Variants in RIMS1 observed in about 807,000 individuals in gnomAD.
RIMS1 encodes the protein regulating synaptic membrane exocytosis 1.
Under a neutral mutation model 214.1 loss-of-function variants are expected in RIMS1, and 83 were observed. The observed-to-expected ratio is 0.39, with a 90% confidence interval of 0.32 to 0.47. RIMS1 has a LOEUF of 0.47. Among genes scored for constraint, RIMS1 ranks in the 20% least tolerant of loss-of-function variants. The pLI is 0.99. For missense variants in RIMS1, 2,050 were observed against 2,161.8 expected, an observed-to-expected ratio of 0.95 and a Z score of 1.03; for synonymous variants, 793 against 786.8, an observed-to-expected ratio of 1.01 and a Z score of -0.13.
At chr6:72,360,507 C>G (rs1046658208) in intron 29 of RIMS1, among the ~76,000 whole-genome samples, 2 of 152,054 alleles carry the variant, frequency 1.3e-5, no homozygotes, top group East Asian at 3.9e-4. Context: ...CCATTCCTCC[C>G]AGGAAACTGA....
At position 72,245,857 on chromosome 6, in the gene RIMS1, G is replaced by T. The variant is rs776806880; in HGVS notation, c.2124G>T (p.Glu708Asp). The change falls in exon 11 of 34, where the codon GAG becomes GAT. Residue 708 changes from glutamate (E) to aspartate (D), a missense_variant. This residue lies in a region of RIMS1 where 111 missense variants were observed against 166.2 expected (regional missense o/e 0.67). Coordinates refer to ENST00000521978, the MANE Select transcript of RIMS1 (RefSeq NM_014989.7). Reference protein sequence around the residue: ...RIPESSHPPLESSSSSFESQK... With the variant: ...RIPESSHPPLDSSSSSFESQK... Reference sequence around the variant, plus strand: ...CTGAGAGCTCCCACCCTCCACTGGAGTCCAGTGAGTATAAGGTTTCTTTGT... The same window carrying T: ...CTGAGAGCTCCCACCCTCCACTGGATTCCAGTGAGTATAAGGTTTCTTTGT... 6.3e-7 allele frequency: 1 copy of T among 1,591,754 alleles called. No individual in the cohort carries two copies. The highest frequency in any genetic ancestry group is 8.6e-7 in the Non-Finnish European group (1 of 1,159,880).
intron 4 of RIMS1, among the ~76,000 whole-genome samples, chr6:72,166,972 T>C (rs910232479): frequency 1.2e-4 from 18 of 152,164 alleles, no homozygotes; most frequent in African/African-American, 4.3e-4. Context: ...CGTATAGAGG[T>C]TTAAAAAGTA....
chr6:72,236,702 C>T (rs920918383), intron 8 of RIMS1, among the ~76,000 whole-genome samples: 3 of 150,618 alleles, frequency 2.0e-5, no homozygotes, highest in Admixed American at 6.6e-5. Flanking sequence ...AATCTTTTAG[C>T]TTCCCTGAGC....
chr6:71,914,605 G>A (rs1230129567), intron 1 of RIMS1, among the ~76,000 whole-genome samples: 2 of 152,090 alleles, frequency 1.3e-5, no homozygotes, highest in Non-Finnish European at 2.9e-5. Flanking sequence ...ATTCAGATAT[G>A]TTTATAAACC....
intron 6 of RIMS1, among the ~76,000 whole-genome samples, chr6:72,189,038 G>A (rs767756605): frequency 6.6e-6 from 1 of 152,192 alleles, no homozygotes; most frequent in African/African-American, 2.4e-5. Flanking sequence ...CTTTAGACCA[G>A]CAGAACATAA....
At chr6:72,286,346 T>A (rs1313461796) in intron 24 of RIMS1, among the ~76,000 whole-genome samples, 1 of 152,190 alleles carries the variant, frequency 6.6e-6, no homozygotes, top group East Asian at 1.9e-4. Context: ...TAACTCCAGA[T>A]TAATGATATT....
At chr6:72,389,297 G>A (rs2098664556) in intron 29 of RIMS1, among the ~76,000 whole-genome samples, 1 of 152,126 alleles carries the variant, frequency 6.6e-6, no homozygotes, top group Non-Finnish European at 1.5e-5. Context: ...GGCATTCAAT[G>A]TTGGCAATTT....
chr6:72,339,969 T>C (rs2154353257), intron 29 of RIMS1, among the ~76,000 whole-genome samples: 1 of 152,256 alleles, frequency 6.6e-6, no homozygotes, highest in East Asian at 1.9e-4. Flanking sequence ...TTTTTAATGA[T>C]CACCATTCTA....
chr6:71,945,043 A>G (rs534534176), intron 1 of RIMS1, among the ~76,000 whole-genome samples: 3 of 152,302 alleles, frequency 2.0e-5, no homozygotes, highest in Admixed American at 1.3e-4. Context: ...CTCTATCTAA[A>G]TTATCTCCTG....
intron 4 of RIMS1, among the ~76,000 whole-genome samples, chr6:72,176,540 G>C (rs1332523163): frequency 6.6e-6 from 1 of 152,044 alleles, no homozygotes; most frequent in Non-Finnish European, 1.5e-5. Context: ...ACTGAAAATA[G>C]AGACTGGGAG....
At chr6:71,902,132 G>A (rs1773832142) in intron 1 of RIMS1, among the ~76,000 whole-genome samples, 1 of 152,094 alleles carries the variant, frequency 6.6e-6, no homozygotes, top group Non-Finnish European at 1.5e-5. Context: ...CAGTGGAGGA[G>A]GTGGTTTGAA....
chr6:72,034,766 T>A (rs1819129370), intron 2 of RIMS1, among the ~76,000 whole-genome samples: 1 of 152,056 alleles, frequency 6.6e-6, no homozygotes. Flanking sequence ...ACGAGTTAGG[T>A]TAATAAACTG....
intron 12 of RIMS1, 102 bp downstream of exon 12, chr6:72,248,229 CAT>C: frequency 1.5e-6 from 1 of 646,006 alleles, no homozygotes; most frequent in Non-Finnish European, 2.7e-6. Context: ...GCAATAAATA[CAT>C]AGTCATTTAA....
chr6:72,346,321 A>C (rs185319215), intron 29 of RIMS1, among the ~76,000 whole-genome samples: 2 of 151,934 alleles, frequency 1.3e-5, no homozygotes, highest in East Asian at 3.9e-4. Context: ...TTATCTGTTC[A>C]TTACATGTAG....
intron 1 of RIMS1, among the ~76,000 whole-genome samples, chr6:71,910,322 G>A (rs1327524136): frequency 6.6e-6 from 1 of 152,122 alleles, no homozygotes; most frequent in Non-Finnish European, 1.5e-5. Context: ...CAGTGTATTT[G>A]TCTGACTCTG....
intron 16 of RIMS1, among the ~76,000 whole-genome samples, chr6:72,254,508 A>G (rs1436537734): frequency 2.0e-5 from 3 of 152,192 alleles, no homozygotes; most frequent in Admixed American, 1.3e-4. Context: ...CATCACCTCT[A>G]ACAGGAATCT....
chr6:72,245,353 T>C (rs2068955683), intron 10 of RIMS1, among the ~76,000 whole-genome samples: 1 of 152,026 alleles, frequency 6.6e-6, no homozygotes, highest in Admixed American at 6.6e-5. Context: ...CATTTAACTT[T>C]GCCCATGATA....
intron 29 of RIMS1, among the ~76,000 whole-genome samples, chr6:72,373,010 G>T (rs1368055675): frequency 1.3e-5 from 2 of 152,144 alleles, no homozygotes; most frequent in South Asian, 2.1e-4. Flanking sequence ...TACAGTAAAG[G>T]TCAAAGACTT....
chr6:72,119,297 C>A (rs1339703328), intron 4 of RIMS1, among the ~76,000 whole-genome samples: 1 of 151,580 alleles, frequency 6.6e-6, no homozygotes, highest in African/African-American at 2.4e-5. Context: ...CAAAATGCTG[C>A]CAAAAAAATA....
Sources: gnomAD v4.1 joint callset for allele counts (sites outside exome capture counted in the v4.1 genomes callset) on GRCh38, gnomAD v4.1.1 for gene constraint, gnomAD v4.1.1 regional missense constraint, MANE v1.5 for transcripts, NCBI Gene and HGNC (gene_info 2026-07-23, HGNC 2026-07-21) for gene names.